The following SMARCAD1 variants were observed in gnomAD, a reference collection of about 807,000 sequenced individuals.
The protein encoded by SMARCAD1 is SWI/SNF-related matrix-associated actin-dependent regulator of chromatin subfamily A containing DEAD/H box 1.
In SMARCAD1, 25 loss-of-function variants were observed where a neutral mutation model predicts 127.1. The ratio of observed to expected loss-of-function variants is 0.20; its 90% CI spans 0.14 to 0.27. The LOEUF (loss-of-function observed/expected upper bound fraction) is 0.27. Among genes scored for constraint, SMARCAD1 ranks in the 10% least tolerant of loss-of-function variants. SMARCAD1 has a pLI of 1.00. For synonymous variants in SMARCAD1, 400 were observed against 396.9 expected (o/e 1.01, Z -0.09); for missense variants, 807 against 1,206.0 (o/e 0.67, Z 4.90).
At chr4:94,270,655 G>T in intron 10 of SMARCAD1, 73 bp from the exon 11 acceptor site, 1 of 1,306,866 alleles carries the variant, frequency 7.7e-7, no homozygotes, top group Non-Finnish European at 1.1e-6. Context: ...TAGTTTTTAT[G>T]TGCATTGTAA....
chr4:94,273,695 G>C lies in SMARCAD1; in HGVS notation c.1651G>C (p.Val551Leu). The C allele has an allele frequency of 1.2e-6, 2 of 1,613,502 alleles. No homozygotes were observed. Among genetic ancestry groups the C allele is most frequent in the Non-Finnish European group, 1.7e-6 (2 of 1,179,608 alleles). Residue 551 changes from valine to leucine, a missense_variant, in exon 12 of 24, where the codon GTT becomes CTT. Physicochemically the swap from Val to Leu is conservative, Grantham distance 32. Coordinates refer to ENST00000354268, the MANE Select transcript of SMARCAD1 (RefSeq NM_020159.5). ...QEGNNGPHLI[V>L]VPASTIDNWL... is the part of the protein sequence containing the mutation. Reference sequence around the variant, plus strand: ...GGGTAATAATGGTCCTCATTTGATCGTTGTTCCAGCTTCAACTATAGGTTT... The same window carrying C: ...GGGTAATAATGGTCCTCATTTGATCCTTGTTCCAGCTTCAACTATAGGTTT...
chr4:94,209,078 C>CAAATGAGT (rs1697337908), intron 2 of SMARCAD1, among the ~76,000 whole-genome samples: 1 of 152,192 alleles, frequency 6.6e-6, no homozygotes, highest in African/African-American at 2.4e-5. Context: ...CCTCAGAATG[C>CAAATGAGT]AAATGAGTAA....
intron 3 of SMARCAD1, among the ~76,000 whole-genome samples, chr4:94,231,568 G>A (rs996225937): frequency 1.3e-5 from 2 of 152,004 alleles, no homozygotes; most frequent in African/African-American, 4.8e-5. Flanking sequence ...TTTGTTTATT[G>A]TGTCACCTAT....
chr4:94,222,018 T>C (rs984194083), intron 2 of SMARCAD1, among the ~76,000 whole-genome samples: 3 of 152,126 alleles, frequency 2.0e-5, no homozygotes, highest in African/African-American at 7.2e-5. Flanking sequence ...AGTGTTACTT[T>C]GGTAAGTATA....
intron 16 of SMARCAD1, 49 bp downstream of exon 16, chr4:94,277,208 C>T (rs1047407316): frequency 8.8e-6 from 14 of 1,599,352 alleles, no homozygotes; most frequent in Middle Eastern, 1.7e-4. Flanking sequence ...TGTGTTTTAT[C>T]TGGGCCATTC....
At chr4:94,282,163 G>A (rs1345304714) in intron 21 of SMARCAD1, among the ~76,000 whole-genome samples, 2 of 61,014 alleles carry the variant, frequency 3.3e-5, no homozygotes, top group Admixed American at 2.5e-4. Context: ...GCAGTGGCGC[G>A]ATCTCGGCTC....
rs374649720 is a variant in SMARCAD1, at chr4:94,289,457, A to G, written c.3020-16A>G. The G allele has an allele frequency of 3.1e-5, 50 of 1,606,148 alleles. No homozygotes were observed. Among genetic ancestry groups the G allele is most frequent in the Non-Finnish European group, 4.0e-5 (47 of 1,173,584 alleles). On this transcript the variant is annotated splice_polypyrimidine_tract_variant and intron_variant, in intron 23 of 23. Transcript: ENST00000354268. ...ATATTTTTATAAAGCTTTTAATGCT[A>G]CTTTCTGACCTACAGGTGATGAAGG...
intron 22 of SMARCAD1, among the ~76,000 whole-genome samples, chr4:94,284,592 GT>G (rs1340725866): frequency 1.8e-4 from 22 of 125,076 alleles, no homozygotes; most frequent in Admixed American, 2.4e-4. Flanking sequence ...TTTTTTTTTC[GT>G]TTTTTTTTTT....
intron 11 of SMARCAD1, among the ~76,000 whole-genome samples, chr4:94,271,772 C>G (rs1752569334): frequency 6.6e-6 from 1 of 152,160 alleles, no homozygotes; most frequent in Non-Finnish European, 1.5e-5. Context: ...CCAGCTTTGC[C>G]TTTCAGGAGC....
At chr4:94,245,316 G>A (rs1301774916) in intron 6 of SMARCAD1, among the ~76,000 whole-genome samples, 1 of 152,172 alleles carries the variant, frequency 6.6e-6, no homozygotes, top group Non-Finnish European at 1.5e-5. Context: ...AAAGTCAGAA[G>A]TCTGTGTATG....
chr4:94,271,003 T>C (rs755601581), intron 11 of SMARCAD1, among the ~76,000 whole-genome samples, 185 bp downstream of exon 11: 8 of 152,202 alleles, frequency 5.3e-5, no homozygotes, highest in Non-Finnish European at 1.0e-4. Flanking sequence ...CTCCCCAAGA[T>C]GAAGATAGAT....
chr4:94,290,768 GTTT>G lies in SMARCAD1; in HGVS notation c.*1236_*1238del, dbSNP rs1422921396. Reference sequence around the variant, plus strand: ...TTTGTATAACTTGTGAGTTCCATGTGTTTTGTTTTTATTATGTAAATATCATTA... The same window carrying G: ...TTTGTATAACTTGTGAGTTCCATGTGTGTTTTTATTATGTAAATATCATTA... On this transcript the variant is annotated 3_prime_UTR_variant, in exon 24 of 24. Coordinates refer to ENST00000354268, the MANE Select transcript of SMARCAD1 (RefSeq NM_020159.5). The G allele has an allele frequency of 2.1e-5, 9 of 427,862 alleles. No individual in the cohort carries two copies. The highest frequency in any genetic ancestry group is 8.2e-5 in the African/African-American group (4 of 48,526). 26.5% of individuals were successfully genotyped at this position (427,862 alleles called of 1,614,324 possible). A position where few individuals can be genotyped will look rare whatever the true frequency, so the allele number is the denominator to read the frequency against.
At chr4:94,222,996 C>G (rs1346570071) in intron 2 of SMARCAD1, among the ~76,000 whole-genome samples, 3 of 151,532 alleles carry the variant, frequency 2.0e-5, no homozygotes, top group African/African-American at 7.3e-5. Flanking sequence ...ATTGTTATGT[C>G]TTCACCATGT....
At chr4:94,270,992 C>T (rs911797857) in intron 11 of SMARCAD1, among the ~76,000 whole-genome samples, 174 bp downstream of exon 11, 1 of 152,138 alleles carries the variant, frequency 6.6e-6, no homozygotes, top group African/African-American at 2.4e-5. Flanking sequence ...CCTCCTCACT[C>T]CTCCCCAAGA....
chr4:94,287,619 C>G (rs915401953), intron 23 of SMARCAD1, among the ~76,000 whole-genome samples: 1 of 152,080 alleles, frequency 6.6e-6, no homozygotes, highest in Admixed American at 6.6e-5. Flanking sequence ...AAAACTCTGG[C>G]GATGGCACCT....
chr4:94,217,968 GTC>G (rs1262794973), intron 2 of SMARCAD1, among the ~76,000 whole-genome samples: 1 of 152,114 alleles, frequency 6.6e-6, no homozygotes, highest in African/African-American at 2.4e-5. Context: ...TCTGAAATAT[GTC>G]TCTCACAGTG....
chr4:94,236,886 A>G (rs1746740693), intron 4 of SMARCAD1, 66 bp from the exon 5 acceptor site: 7 of 1,261,094 alleles, frequency 5.6e-6, no homozygotes, highest in Non-Finnish European at 8.1e-6. Flanking sequence ...GTTCTTAAAT[A>G]TTTCAGTAAC....
chr4:94,219,032 G>T (rs937286973), intron 2 of SMARCAD1, among the ~76,000 whole-genome samples: 1 of 151,804 alleles, frequency 6.6e-6, no homozygotes, highest in Non-Finnish European at 1.5e-5. Flanking sequence ...GGCTAGTCTC[G>T]AACTCCTGAC....
At chr4:94,216,545 A>G (rs1169535181) in intron 2 of SMARCAD1, among the ~76,000 whole-genome samples, 3 of 152,218 alleles carry the variant, frequency 2.0e-5, no homozygotes, top group Non-Finnish European at 2.9e-5. Context: ...ATACATTGTC[A>G]TGCAACTATT....
Sources: gnomAD v4.1 joint callset for allele counts (sites outside exome capture counted in the v4.1 genomes callset) on GRCh38, gnomAD v4.1.1 for gene constraint, MANE v1.5 for transcripts, NCBI Gene and HGNC (gene_info 2026-07-23, HGNC 2026-07-21) for gene names.